Variants in TDRP observed in about 807,000 individuals in gnomAD.
The protein encoded by TDRP is testis development related protein.
TDRP carries 12 observed loss-of-function variants against 10.5 expected under a neutral mutation model. That is an observed-to-expected ratio of 1.15 (90% confidence interval 0.73 to 1.86). The LOEUF is 1.86. Ranked by LOEUF, TDRP falls within the 40% of genes most tolerant of loss-of-function variation. The pLI is 0.00. For missense variants in TDRP, 353 were observed against 229.2 expected, an observed-to-expected ratio of 1.54 and a Z score of -3.49; for synonymous variants, 139 against 95.4, an observed-to-expected ratio of 1.46 and a Z score of -2.67.
Position 491,483 on chromosome 8 carries a change from AAC to A in TDRP, c.*914_*915del. 1 of 884,508 alleles carries A rather than the reference AAC, an allele frequency of 1.1e-6. No homozygotes were observed. Among genetic ancestry groups the A allele is most frequent in the Non-Finnish European group, 1.6e-6 (1 of 632,982 alleles). The allele number at this position is 884,508 out of a possible 1,614,324, so 54.8% of individuals were successfully genotyped here. ...GGTCGTCGATTATTCTTGTGGAAAAAACACAGCTTCTTACAGATCTAACACCA... is the reference window on the plus strand; with the variant it reads ...GGTCGTCGATTATTCTTGTGGAAAAAACAGCTTCTTACAGATCTAACACCA... On this transcript the variant is annotated 3_prime_UTR_variant, in exon 3 of 3. Transcript: ENST00000324079.
At chr8:523,930 G>C (rs1196767608) in intron 1 of TDRP, among the ~76,000 whole-genome samples, 2 of 152,272 alleles carry the variant, frequency 1.3e-5, no homozygotes, top group African/African-American at 4.8e-5. Context: ...GCTGATTGTA[G>C]AGCCCTAGGG....
chr8:533,052 C>T (rs1225218766), intron 1 of TDRP, among the ~76,000 whole-genome samples: 2 of 152,168 alleles, frequency 1.3e-5, no homozygotes, highest in Non-Finnish European at 2.9e-5. Context: ...TGAGTACCAG[C>T]GCTGGGACCC....
intron 1 of TDRP, among the ~76,000 whole-genome samples, chr8:499,442 G>T (rs1277500128): frequency 1.3e-5 from 2 of 152,092 alleles, no homozygotes; most frequent in African/African-American, 4.8e-5. Flanking sequence ...GTAGCACCTG[G>T]GTGGCTGCTG....
intron 1 of TDRP, among the ~76,000 whole-genome samples, chr8:534,772 T>G (rs1183814402): frequency 6.6e-5 from 10 of 152,182 alleles, no homozygotes; most frequent in Admixed American, 6.5e-4. Context: ...TACAAATAAA[T>G]TTTAGCAAGA....
chr8:530,752 T>G (rs1249207891), intron 1 of TDRP, among the ~76,000 whole-genome samples: 1 of 152,166 alleles, frequency 6.6e-6, no homozygotes, highest in Non-Finnish European at 1.5e-5. Context: ...CCCTTGGTTC[T>G]CTCAGCGCTC....
chr8:532,614 G>A (rs1432383735), intron 1 of TDRP, among the ~76,000 whole-genome samples: 2 of 152,170 alleles, frequency 1.3e-5, no homozygotes, highest in African/African-American at 2.4e-5. Flanking sequence ...TAATACAATG[G>A]AAGCTCCGGA....
At chr8:519,078 A>C (rs1473932293) in intron 1 of TDRP, among the ~76,000 whole-genome samples, 1 of 46,522 alleles carries the variant, frequency 2.1e-5, no homozygotes, top group East Asian at 5.0e-4. Flanking sequence ...CAAAGAGAGA[A>C]GGAGGGCTAG....
Position 544,657 on chromosome 8 carries a change from T to C in TDRP, c.101A>G (p.Gln34Arg). Residue 34 changes from glutamine to arginine, a missense_variant, in exon 1 of 3, where the codon CAG becomes CGG. Gln to Arg is a conservative substitution (Grantham distance 43, BLOSUM62 1). Coordinates refer to ENST00000324079, the MANE Select transcript of TDRP (RefSeq NM_001384899.1). ...ACCTGCGCACCCCCTCACCTGCGCC[T>C]GGGCGGCGGCGGCGGCGGCCGGTGG... ...GPPPAAAAAAQAQVQGASFRG... is the reference protein window; with the variant it reads ...GPPPAAAAAARAQVQGASFRG... The C allele has an allele frequency of 8.2e-7, 1 of 1,222,924 alleles. No individual in the cohort carries two copies. The highest frequency in any genetic ancestry group is 3.2e-5 in the East Asian group (1 of 31,116). The allele number at this position is 1,222,924 out of a possible 1,614,324, so 75.8% of individuals were successfully genotyped here. A position where few individuals can be genotyped will look rare whatever the true frequency, so the allele number is the denominator to read the frequency against.
chr8:519,859 G>C (rs572457587), intron 1 of TDRP, among the ~76,000 whole-genome samples: 1 of 152,320 alleles, frequency 6.6e-6, no homozygotes, highest in East Asian at 1.9e-4. Flanking sequence ...TGGTGAAGGG[G>C]CTGGCGCCAC....
intron 2 of TDRP, among the ~76,000 whole-genome samples, chr8:494,114 G>A (rs1801061207): frequency 6.9e-6 from 1 of 145,484 alleles, no homozygotes; most frequent in African/African-American, 2.5e-5. Flanking sequence ...ATGCCACCAT[G>A]TCCAGCTAAT....
At chr8:508,573 A>G (rs1313843422) in intron 1 of TDRP, among the ~76,000 whole-genome samples, 1 of 152,154 alleles carries the variant, frequency 6.6e-6, no homozygotes, top group Non-Finnish European at 1.5e-5. Flanking sequence ...CAAGAATAGC[A>G]TGCGGGAAAC....
intron 1 of TDRP, among the ~76,000 whole-genome samples, chr8:498,711 T>G (rs543428383): frequency 6.6e-6 from 1 of 152,182 alleles, no homozygotes; most frequent in South Asian, 2.1e-4. Flanking sequence ...CAGAATGATG[T>G]GGTTTGTCTC....
chr8:498,468 G>T (rs966100549), intron 1 of TDRP, among the ~76,000 whole-genome samples: 1 of 152,104 alleles, frequency 6.6e-6, no homozygotes, highest in Admixed American at 6.6e-5. Context: ...TTTACCCAAC[G>T]CCTGCACCTC....
intron 1 of TDRP, among the ~76,000 whole-genome samples, chr8:535,963 C>G (rs1197660843): frequency 6.6e-6 from 1 of 152,166 alleles, no homozygotes; most frequent in Non-Finnish European, 1.5e-5. Flanking sequence ...AAGTGAAACC[C>G]ACAGCCTAAC....
At chr8:509,786 C>T (rs548818372) in intron 1 of TDRP, among the ~76,000 whole-genome samples, 32 of 152,198 alleles carry the variant, frequency 2.1e-4, no homozygotes, top group Non-Finnish European at 3.4e-4. Context: ...CCAAAAATAG[C>T]TTTTTCTTTT....
chr8:530,714 T>A (rs924841600), intron 1 of TDRP, among the ~76,000 whole-genome samples: 2 of 152,184 alleles, frequency 1.3e-5, no homozygotes, highest in Admixed American at 1.3e-4. Context: ...TCTCGCTTGT[T>A]CTCAGCAGCC....
intron 1 of TDRP, among the ~76,000 whole-genome samples, chr8:535,649 C>A (rs1802325311): frequency 2.0e-5 from 3 of 152,082 alleles, no homozygotes; most frequent in Non-Finnish European, 4.4e-5. Flanking sequence ...CCCATTCCTC[C>A]CAACAGGTGA....
intron 1 of TDRP, among the ~76,000 whole-genome samples, chr8:533,549 A>C (rs1188118446): frequency 6.6e-6 from 1 of 152,226 alleles, no homozygotes; most frequent in Non-Finnish European, 1.5e-5. Flanking sequence ...GACCTCCCTG[A>C]CTAGAACCCC....
intron 1 of TDRP, among the ~76,000 whole-genome samples, chr8:514,196 A>G (rs1801691937): frequency 1.3e-5 from 2 of 152,236 alleles, no homozygotes; most frequent in African/African-American, 4.8e-5. Context: ...AACTTACCAC[A>G]AAGCAACAGT....
Sources: gnomAD v4.1 joint callset for allele counts (sites outside exome capture counted in the v4.1 genomes callset) on GRCh38, gnomAD v4.1.1 for gene constraint, MANE v1.5 for transcripts, NCBI Gene and HGNC (gene_info 2026-07-23, HGNC 2026-07-21) for gene names.